The following CACNG2 variants were observed in gnomAD, a reference collection of about 807,000 sequenced individuals.
The protein encoded by CACNG2 is calcium voltage-gated channel auxiliary subunit gamma 2.
Under a neutral mutation model 25.9 loss-of-function variants are expected in CACNG2, and 3 were observed. The observed-to-expected ratio is 0.12, with a 90% CI of 0.05 to 0.30. The LOEUF is 0.30. Ranked by LOEUF, CACNG2 falls within the 10% of genes least tolerant of loss-of-function variation. CACNG2 has a pLI of 1.00. For missense variants in CACNG2, 341 were observed against 432.5 expected (o/e 0.79, Z 1.88); for synonymous variants, 167 against 173.3 (o/e 0.96, Z 0.29).
intron 2 of CACNG2, among the ~76,000 whole-genome samples, chr22:36,578,376 G>A (rs1447078798): frequency 2.2e-5 from 3 of 139,120 alleles, no homozygotes; most frequent in South Asian, 2.3e-4. Context: ...AAAAAAAGCC[G>A]GAATGATGGA....
intron 1 of CACNG2, among the ~76,000 whole-genome samples, chr22:36,640,698 C>G (rs73415644): frequency 6.6e-6 from 1 of 152,178 alleles, no homozygotes; most frequent in East Asian, 1.9e-4. Flanking sequence ...CAAAGGGCCT[C>G]TTTGTTTCCG....
chr22:36,649,473 TA>T (rs1456209186), intron 1 of CACNG2, among the ~76,000 whole-genome samples: 1 of 152,162 alleles, frequency 6.6e-6, no homozygotes, highest in African/African-American at 2.4e-5. Context: ...TTTGTATTTT[TA>T]GTAGATATAG....
chr22:36,582,396 CTCTT>C (rs1223867846), intron 2 of CACNG2, among the ~76,000 whole-genome samples: 1 of 143,676 alleles, frequency 7.0e-6, no homozygotes, highest in Non-Finnish European at 1.5e-5. Flanking sequence ...TTGCTGTTTG[CTCTT>C]TCTTTCTTTC....
intron 2 of CACNG2, among the ~76,000 whole-genome samples, chr22:36,574,253 G>A (rs1053313388): frequency 2.6e-5 from 4 of 152,250 alleles, no homozygotes; most frequent in African/African-American, 9.6e-5. Flanking sequence ...GAAGGCTACT[G>A]CAGCTGATCG....
chr22:36,622,836 G>A (rs556994097), intron 1 of CACNG2, among the ~76,000 whole-genome samples: 2 of 151,710 alleles, frequency 1.3e-5, no homozygotes, highest in Non-Finnish European at 2.9e-5. Flanking sequence ...GCGCATGCCT[G>A]TAATATTAGC....
chr22:36,619,136 G>A (rs2283991), intron 1 of CACNG2, among the ~76,000 whole-genome samples: 1 of 151,996 alleles, frequency 6.6e-6, no homozygotes, highest in Admixed American at 6.6e-5. Flanking sequence ...GTGAAGGGAT[G>A]GCCCAAGATC....
At chr22:36,635,633 G>A (rs1276093948) in intron 1 of CACNG2, among the ~76,000 whole-genome samples, 1 of 152,062 alleles carries the variant, frequency 6.6e-6, no homozygotes, top group Non-Finnish European at 1.5e-5. Flanking sequence ...TCCCACATTT[G>A]TAACTCTGGC....
intron 1 of CACNG2, among the ~76,000 whole-genome samples, chr22:36,592,976 A>G (rs2145926054): frequency 6.6e-6 from 1 of 152,312 alleles, no homozygotes; most frequent in East Asian, 1.9e-4. Flanking sequence ...CAGGACCAGT[A>G]GGGAGACTCT....
At chr22:36,632,595 G>C (rs1335832310) in intron 1 of CACNG2, among the ~76,000 whole-genome samples, 1 of 151,264 alleles carries the variant, frequency 6.6e-6, no homozygotes. Context: ...ACCTCTGCTT[G>C]TCAGATCTGA....
At chr22:36,580,632 C>T (rs543909664) in intron 2 of CACNG2, among the ~76,000 whole-genome samples, 3 of 152,234 alleles carry the variant, frequency 2.0e-5, no homozygotes, top group African/African-American at 7.2e-5. Flanking sequence ...ACCTCCAGCC[C>T]CAGGCTCTGA....
chr22:36,646,449 C>T (rs1936525692), intron 1 of CACNG2, among the ~76,000 whole-genome samples: 1 of 152,204 alleles, frequency 6.6e-6, no homozygotes, highest in Admixed American at 6.5e-5. Flanking sequence ...CTATCAGCAG[C>T]TCCTCAGCCA....
At position 36,623,011 on chromosome 22, in the gene CACNG2, G is replaced by GATTTTTTTTTTTTTTTTTTTTTTTTT. The variant is rs1569032646; in HGVS notation, c.212-35464_212-35463insAAAAAAAAAAAAAAAAAAAAAAAAAT. Reference sequence around the variant, plus strand: ...TTTCTCATTCAGTCTTCAAAACATGGGTTTTTTTTTTTTTTTTTTTTTTTT... The same window carrying GATTTTTTTTTTTTTTTTTTTTTTTTT: ...TTTCTCATTCAGTCTTCAAAACATGGATTTTTTTTTTTTTTTTTTTTTTTTTGTTTTTTTTTTTTTTTTTTTTTTTT... On this transcript the variant is annotated intron_variant, in intron 1 of 3. Coordinates refer to ENST00000300105, the MANE Select transcript of CACNG2 (RefSeq NM_006078.5). 3.2e-5 allele frequency among the ~76,000 whole-genome samples: 3 copies of GATTTTTTTTTTTTTTTTTTTTTTTTT among 93,224 alleles called. 1 individual carries two copies. The highest frequency in any genetic ancestry group is 1.3e-4 in the Admixed American group (1 of 7,452). The allele number at this position is 93,224 out of a possible 152,430, so 61.2% of individuals were successfully genotyped here.
intron 1 of CACNG2, among the ~76,000 whole-genome samples, chr22:36,614,437 G>A (rs1935993442): frequency 6.6e-6 from 1 of 152,146 alleles, no homozygotes; most frequent in Admixed American, 6.5e-5. Flanking sequence ...TGGTTCCCAT[G>A]GCACCCCGCA....
At chr22:36,655,773 TTTCC>T (rs372750299) in intron 1 of CACNG2, among the ~76,000 whole-genome samples, 4,236 of 145,594 alleles carry the variant, frequency 0.029, 99 homozygotes, top group Middle Eastern at 0.09. Flanking sequence ...TTTCTCTTTC[TTTCC>T]TTCCTTCCTT....
In CACNG2 at chr22:36,562,640, G is replaced by T. The variant is rs144504216; in HGVS notation, c.*1711C>A. 653 of 152,470 alleles carry T rather than the reference G, an allele frequency of 4.3e-3. 2 individuals carry two copies. The highest frequency in any genetic ancestry group is 6.8e-3 in the Non-Finnish European group (466 of 68,120). 9.4% of individuals were successfully genotyped at this position (152,470 alleles called of 1,614,324 possible). On this transcript the variant is annotated 3_prime_UTR_variant, in exon 4 of 4. Coordinates refer to ENST00000300105, the MANE Select transcript of CACNG2 (RefSeq NM_006078.5). ...TTTCCTTTGAGCCACGCCCCTGGCC[G>T]TGTATGGGATGGAAGGGTTGAGACT...
intron 2 of CACNG2, among the ~76,000 whole-genome samples, chr22:36,582,751 C>A (rs1017092424): frequency 3.3e-5 from 5 of 151,436 alleles, no homozygotes; most frequent in African/African-American, 4.9e-5. Flanking sequence ...AATTCCCCAT[C>A]CCCCGTCCCT....
chr22:36,658,883 A>G (rs764806971), intron 1 of CACNG2, among the ~76,000 whole-genome samples: 14 of 152,088 alleles, frequency 9.2e-5, no homozygotes, highest in Non-Finnish European at 2.1e-4. Context: ...GACTGAAGAT[A>G]AGATGGAGCC....
chr22:36,566,099 G>A (rs925955461), intron 3 of CACNG2, among the ~76,000 whole-genome samples: 1 of 152,248 alleles, frequency 6.6e-6, no homozygotes, highest in African/African-American at 2.4e-5. Context: ...GAGGAAGCGG[G>A]CATTTGGGCC....
rs141090771 is a variant in CACNG2 at position 36,575,036 on chromosome 22, A to G, written c.296-8543T>C. Among the ~76,000 whole-genome samples the G allele has an allele frequency of 1.4e-3, 208 of 152,320 alleles. 1 individual carries two copies. The highest frequency in any genetic ancestry group is 2.4e-3 in the Non-Finnish European group (161 of 68,024). ...TAGGCCTGAGGCTTGGGGAGCCCCA[A>G]TGGTTAGTGACCATCTCAAGAAGAC... is the stretch of plus-strand genomic sequence containing the variant. On this transcript the variant is annotated intron_variant, in intron 2 of 3. Coordinates refer to ENST00000300105, the MANE Select transcript of CACNG2 (RefSeq NM_006078.5).
Sources: gnomAD v4.1 joint callset for allele counts (sites outside exome capture counted in the v4.1 genomes callset) on GRCh38, gnomAD v4.1.1 for gene constraint, MANE v1.5 for transcripts, NCBI Gene and HGNC (gene_info 2026-07-23, HGNC 2026-07-21) for gene names.